SYT1: variants seen among roughly 807,000 people sequenced by gnomAD.
SYT1 encodes the protein synaptotagmin 1.
In SYT1, 8 loss-of-function variants were observed where a neutral mutation model predicts 44.8. That is an observed-to-expected ratio of 0.18 (90% CI 0.10 to 0.32). SYT1 has a LOEUF of 0.32. SYT1 is among the 10% of genes least tolerant of loss of function. The pLI is 1.00. For synonymous variants in SYT1, 154 were observed against 188.8 expected, an observed-to-expected ratio of 0.82 and a Z score of 1.51; for missense variants, 286 against 509.3, an observed-to-expected ratio of 0.56 and a Z score of 4.22.
At chr12:79,171,504 A>G (rs1038804469) in intron 3 of SYT1, among the ~76,000 whole-genome samples, 3 of 152,044 alleles carry the variant, frequency 2.0e-5, no homozygotes, top group Non-Finnish European at 4.4e-5. Context: ...CTAAATAACT[A>G]TAGAAGAGGA....
At chr12:79,200,518 G>A (rs1873719372) in intron 3 of SYT1, among the ~76,000 whole-genome samples, 1 of 152,100 alleles carries the variant, frequency 6.6e-6, no homozygotes, top group African/African-American at 2.4e-5. Flanking sequence ...AAAAGGGTAT[G>A]AAAGAGTAAG....
intron 9 of SYT1, among the ~76,000 whole-genome samples, chr12:79,356,118 G>A (rs1883102171): frequency 6.6e-6 from 1 of 151,504 alleles, no homozygotes; most frequent in Admixed American, 6.6e-5. Context: ...GCGCGTCTGG[G>A]AGAGAGAACA....
At chr12:79,062,033 G>C (rs1875427411) in intron 3 of SYT1, among the ~76,000 whole-genome samples, 1 of 152,100 alleles carries the variant, frequency 6.6e-6, no homozygotes, top group Admixed American at 6.6e-5. Flanking sequence ...TAATGTTCTT[G>C]CATTATAGGC....
rs374036024 is a variant in SYT1, at chr12:79,112,986, A to G, written c.-18+65624A>G. The stretch of plus-strand genomic sequence containing the variant: ...AAAGTTTCTTTAGACTCATACACAA[A>G]CACCAACAGAAGTGTACAAAGAGAT... On this transcript the variant is annotated intron_variant, in intron 3 of 10. Transcript: ENST00000261205. Among the ~76,000 whole-genome samples, 196 of 152,252 alleles carry G rather than the reference A, an allele frequency of 1.3e-3. 1 individual carries two copies. The highest frequency in any genetic ancestry group is 3.5e-3 in the South Asian group (17 of 4,832).
Position 79,416,965 on chromosome 12 carries a change from A to ATG in SYT1, c.929-27094_929-27093dup, listed in dbSNP as rs1290279479. ...GCAAAAATACAACGAAAATCCTAAT[A>ATG]TGTGTGTGTGTGTGTTTTCTCTTCT... On this transcript the variant is annotated intron_variant, in intron 9 of 10. Coordinates refer to ENST00000261205, the MANE Select transcript of SYT1 (RefSeq NM_005639.3). Among the ~76,000 whole-genome samples the ATG allele has an allele frequency of 2.6e-5, 4 of 151,810 alleles. 1 individual carries two copies. In the South Asian group the frequency reaches 6.2e-4, roughly 24 times the overall value.
chr12:79,262,527 AAG>A (rs1242446708), intron 4 of SYT1, among the ~76,000 whole-genome samples: 1 of 152,202 alleles, frequency 6.6e-6, no homozygotes, highest in Non-Finnish European at 1.5e-5. Flanking sequence ...GTACATCTTC[AAG>A]CTCATCTTAA....
intron 1 of SYT1, among the ~76,000 whole-genome samples, chr12:78,948,529 T>G (rs945322521): frequency 3.3e-5 from 5 of 152,042 alleles, no homozygotes; most frequent in Non-Finnish European, 4.4e-5. Flanking sequence ...TATATAATTC[T>G]ATAAAATGAA....
At chr12:78,989,725 A>T (rs888422043) in intron 2 of SYT1, among the ~76,000 whole-genome samples, 19 of 152,132 alleles carry the variant, frequency 1.2e-4, no homozygotes, top group African/African-American at 4.1e-4. Flanking sequence ...AGGGAAGTGT[A>T]TTGTCTAAAA....
In SYT1 at chr12:79,152,440, G is replaced by T. The variant is rs144359219; in HGVS notation, c.-17-65063G>T. Among the ~76,000 whole-genome samples, 607 of 152,232 alleles carry T rather than the reference G, an allele frequency of 4.0e-3. 3 individuals carry two copies. Among genetic ancestry groups the T allele is most frequent in the African/African-American group, 0.014 (572 of 41,548 alleles). On this transcript the variant is annotated intron_variant, in intron 3 of 10. Coordinates refer to ENST00000261205, the MANE Select transcript of SYT1 (RefSeq NM_005639.3). The stretch of plus-strand genomic sequence containing the variant: ...AGAATCGTTTTGCACTTTGTATAGG[G>T]CAGTTAGAAGTGGAAGAAAAGTGCC...
At chr12:78,982,518 A>G (rs1323272887) in intron 2 of SYT1, among the ~76,000 whole-genome samples, 1 of 152,168 alleles carries the variant, frequency 6.6e-6, no homozygotes. Flanking sequence ...TCAAGAAACA[A>G]GAGCAAAGGA....
At chr12:79,297,751 C>A (rs1175426884) in intron 7 of SYT1, among the ~76,000 whole-genome samples, 1 of 152,066 alleles carries the variant, frequency 6.6e-6, no homozygotes, top group Non-Finnish European at 1.5e-5. Flanking sequence ...GTAGATTACT[C>A]ATCTTGAAAT....
At chr12:79,205,785 T>C (rs977051920) in intron 3 of SYT1, among the ~76,000 whole-genome samples, 1 of 152,228 alleles carries the variant, frequency 6.6e-6, no homozygotes, top group African/African-American at 2.4e-5. Context: ...TGGATTTATT[T>C]TTATTTTGGC....
At chr12:79,227,974 T>C (rs1875624104) in intron 4 of SYT1, among the ~76,000 whole-genome samples, 1 of 152,036 alleles carries the variant, frequency 6.6e-6, no homozygotes, top group Admixed American at 6.6e-5. Context: ...CCCATTCCAA[T>C]GATCTCTGTG....
chr12:79,273,121 C>CTTT (rs34751116), intron 4 of SYT1, among the ~76,000 whole-genome samples: 3,037 of 138,766 alleles, frequency 0.022, 65 homozygotes, highest in African/African-American at 0.055. Flanking sequence ...TTTTTTCTTT[C>CTTT]TTTTTTTTTT....
intron 3 of SYT1, among the ~76,000 whole-genome samples, chr12:79,049,353 A>T (rs1337922802): frequency 6.6e-6 from 1 of 151,942 alleles, no homozygotes; most frequent in Admixed American, 6.6e-5. Flanking sequence ...CAAAGAAGAA[A>T]TTATGCCTCT....
chr12:79,143,917 T>C (rs1186656117), intron 3 of SYT1, among the ~76,000 whole-genome samples: 1 of 152,196 alleles, frequency 6.6e-6, no homozygotes, highest in Non-Finnish European at 1.5e-5. Flanking sequence ...ATTGTTAACA[T>C]ATTGCCAGAA....
intron 3 of SYT1, among the ~76,000 whole-genome samples, chr12:79,168,817 A>G (rs1391678594): frequency 2.0e-5 from 3 of 152,076 alleles, no homozygotes; most frequent in Non-Finnish European, 2.9e-5. Flanking sequence ...TAATTAGCAG[A>G]TAACATTTTC....
At chr12:79,001,490 G>A (rs1235852911) in intron 2 of SYT1, among the ~76,000 whole-genome samples, 3 of 152,042 alleles carry the variant, frequency 2.0e-5, no homozygotes, top group Non-Finnish European at 4.4e-5. Flanking sequence ...CTATGACTAG[G>A]GTTTAGAAGA....
chr12:79,051,063 A>T (rs1227440197), intron 3 of SYT1, among the ~76,000 whole-genome samples: 1 of 151,820 alleles, frequency 6.6e-6, no homozygotes, highest in Non-Finnish European at 1.5e-5. Flanking sequence ...AATCTGTGCT[A>T]ATTAACCACC....
Sources: gnomAD v4.1 joint callset for allele counts (sites outside exome capture counted in the v4.1 genomes callset) on GRCh38, gnomAD v4.1.1 for gene constraint, MANE v1.5 for transcripts, NCBI Gene and HGNC (gene_info 2026-07-23, HGNC 2026-07-21) for gene names.